The following TMEM132D variants were observed in gnomAD, a reference collection of about 807,000 sequenced individuals.
TMEM132D encodes the protein transmembrane protein 132D, also known as mature OL transmembrane protein.
TMEM132D carries 21 observed loss-of-function variants against 62.3 expected under a neutral mutation model. The observed-to-expected ratio is 0.34, with a 90% confidence interval of 0.24 to 0.49. TMEM132D has a LOEUF of 0.49. Among genes scored for constraint, TMEM132D ranks in the 20% least tolerant of loss-of-function variants. The pLI is 0.99. For missense variants in TMEM132D, 1,346 were observed against 1,402.8 expected, an observed-to-expected ratio of 0.96 and a Z score of 0.65; for synonymous variants, 621 against 575.6, an observed-to-expected ratio of 1.08 and a Z score of -1.13.
At chr12:129,133,419 A>G (rs1876438435) in intron 5 of TMEM132D, among the ~76,000 whole-genome samples, 2 of 152,262 alleles carry the variant, frequency 1.3e-5, no homozygotes, top group South Asian at 2.1e-4. Flanking sequence ...GCCTTAAAAA[A>G]GTAGGAACTA....
intron 3 of TMEM132D, among the ~76,000 whole-genome samples, chr12:129,506,491 G>C (rs1875334417): frequency 6.6e-6 from 1 of 152,094 alleles, no homozygotes; most frequent in African/African-American, 2.4e-5. Context: ...AAACAGCATG[G>C]TACTGGTATA....
intron 4 of TMEM132D, among the ~76,000 whole-genome samples, chr12:129,311,558 A>C (rs953638287): frequency 6.6e-6 from 1 of 152,214 alleles, no homozygotes; most frequent in Non-Finnish European, 1.5e-5. Context: ...AATCGAGTGC[A>C]GAAGAAACTC....
At chr12:129,763,641 G>T (rs1285188037) in intron 1 of TMEM132D, among the ~76,000 whole-genome samples, 1 of 152,020 alleles carries the variant, frequency 6.6e-6, no homozygotes, top group Middle Eastern at 3.2e-3. Flanking sequence ...TACTGTTTCT[G>T]GGTTTTGAGA....
chr12:129,843,892 C>T (rs1164830075), intron 1 of TMEM132D, among the ~76,000 whole-genome samples: 1 of 151,912 alleles, frequency 6.6e-6, no homozygotes, highest in East Asian at 1.9e-4. Context: ...AGTTCAGGGC[C>T]AGCCTGGGCA....
intron 1 of TMEM132D, among the ~76,000 whole-genome samples, chr12:129,889,743 A>C (rs1874860639): frequency 6.6e-6 from 1 of 152,188 alleles, no homozygotes; most frequent in Non-Finnish European, 1.5e-5. Context: ...GCTGACCAGG[A>C]CAGTAGTCCA....
chr12:129,171,147 C>A (rs1877714044), intron 5 of TMEM132D, among the ~76,000 whole-genome samples: 1 of 152,222 alleles, frequency 6.6e-6, no homozygotes. Context: ...TATCCTAAGA[C>A]CTTTGTTGTC....
At chr12:129,819,414 G>A (rs954818561) in intron 1 of TMEM132D, among the ~76,000 whole-genome samples, 3 of 152,108 alleles carry the variant, frequency 2.0e-5, no homozygotes, top group Middle Eastern at 3.2e-3. Context: ...TAGCTGCTAG[G>A]TCGGGGAGTC....
At chr12:129,885,992 C>T (rs1874739055) in intron 1 of TMEM132D, among the ~76,000 whole-genome samples, 1 of 152,112 alleles carries the variant, frequency 6.6e-6, no homozygotes, top group Admixed American at 6.5e-5. Flanking sequence ...TGTCTTCTTA[C>T]CACAAAAATG....
chr12:129,647,757 T>C (rs771095348), intron 2 of TMEM132D, among the ~76,000 whole-genome samples: 36 of 152,190 alleles, frequency 2.4e-4, no homozygotes, highest in Non-Finnish European at 2.2e-4. Context: ...TTTTCTACTG[T>C]GTTATTTTGC....
intron 4 of TMEM132D, 64 bp downstream of exon 4, chr12:129,337,570 G>GCGGCGC: frequency 1.3e-6 from 2 of 1,595,434 alleles, no homozygotes; most frequent in Non-Finnish European, 1.7e-6. Flanking sequence ...GGGACTCAGT[G>GCGGCGC]CGGCGCCGGC....
At position 129,903,399 on chromosome 12, in the gene TMEM132D, C is replaced by T; in HGVS notation, c.-60G>A. The T allele has an allele frequency of 6.6e-7, 1 of 1,522,974 alleles. No individual in the cohort carries two copies. The highest frequency in any genetic ancestry group is 8.9e-7 in the Non-Finnish European group (1 of 1,122,242). The allele number at this position is 1,522,974 out of a possible 1,614,324, so 94.3% of individuals were successfully genotyped here. A position where few individuals can be genotyped will look rare whatever the true frequency, so the allele number is the denominator to read the frequency against. The stretch of plus-strand genomic sequence containing the variant: ...GGCGCCGTCCAGGCGAACAAGAGAC[C>T]GTCTCAGTCCCCTAGAGGCCCGCAG... On this transcript the variant is annotated 5_prime_UTR_variant, in exon 1 of 9. Transcript: ENST00000422113. This position sits in a 1 kb window ranked among gnomAD's most constrained non-coding sequence, Gnocchi z 6.2.
chr12:129,243,907 T>G (rs1880001886), intron 4 of TMEM132D, among the ~76,000 whole-genome samples: 1 of 152,184 alleles, frequency 6.6e-6, no homozygotes, highest in Non-Finnish European at 1.5e-5. Context: ...GTTTAAGTGT[T>G]CTCATTTTCA....
At chr12:129,181,496 G>A (rs1333749977) in intron 5 of TMEM132D, among the ~76,000 whole-genome samples, 1 of 152,202 alleles carries the variant, frequency 6.6e-6, no homozygotes, top group Admixed American at 6.5e-5. Flanking sequence ...AGGACATTCA[G>A]TGGCTCCCCC....
At chr12:129,245,760 C>G (rs1285401900) in intron 4 of TMEM132D, among the ~76,000 whole-genome samples, 3 of 152,122 alleles carry the variant, frequency 2.0e-5, no homozygotes, top group Non-Finnish European at 4.4e-5. Context: ...AGAAAACAGA[C>G]AGAATGCAAA....
At chr12:129,437,468 C>A (rs1872817485) in intron 3 of TMEM132D, among the ~76,000 whole-genome samples, 1 of 152,170 alleles carries the variant, frequency 6.6e-6, no homozygotes, top group African/African-American at 2.4e-5. Context: ...AATGAACGGG[C>A]ATGGCCAGTG....
chr12:129,897,877 C>T (rs1215947473), intron 1 of TMEM132D, among the ~76,000 whole-genome samples: 4 of 152,212 alleles, frequency 2.6e-5, no homozygotes, highest in African/African-American at 9.6e-5. Flanking sequence ...AACAATTCTG[C>T]CTGACAAACC....
intron 3 of TMEM132D, among the ~76,000 whole-genome samples, chr12:129,458,398 G>GTTTTTTTTTTTTTTT (rs66630267): frequency 6.8e-6 from 1 of 146,584 alleles, no homozygotes. Context: ...GTGGGCAGAG[G>GTTTTTTTTTTTTTTT]TTTTTTTTTT....
intron 5 of TMEM132D, chr12:129,110,218 C>T (rs1235196663): frequency 6.6e-6 from 1 of 152,264 alleles, no homozygotes; most frequent in Non-Finnish European, 1.5e-5. Context: ...CTCAATTAAT[C>T]TCTGGTGCAC....
At chr12:129,581,309 T>C (rs1256329475) in intron 2 of TMEM132D, among the ~76,000 whole-genome samples, 1 of 152,154 alleles carries the variant, frequency 6.6e-6, no homozygotes, top group Admixed American at 6.5e-5. Context: ...GAGCCAAGTG[T>C]ACTAGGGTTC....
Sources: gnomAD v4.1 joint callset for allele counts (sites outside exome capture counted in the v4.1 genomes callset) on GRCh38, gnomAD v4.1.1 for gene constraint, Gnocchi (gnomAD v3.1) non-coding constraint, MANE v1.5 for transcripts, NCBI Gene and HGNC (gene_info 2026-07-23, HGNC 2026-07-21) for gene names.